DPF3: variants seen among roughly 807,000 people sequenced by gnomAD.
DPF3 encodes zinc finger protein DPF3.
In DPF3, 18 loss-of-function variants were observed where a neutral mutation model predicts 56.8. The observed-to-expected ratio is 0.32, with a 90% CI of 0.22 to 0.47. DPF3 has a LOEUF of 0.47. Ranked by LOEUF, DPF3 falls within the 20% of genes least tolerant of loss-of-function variation. The pLI is 1.00. For missense variants in DPF3, 403 were observed against 488.8 expected (o/e 0.82, Z 1.65); for synonymous variants, 188 against 180.2 (o/e 1.04, Z -0.35).
At chr14:72,849,189 C>T (rs892935546) in intron 1 of DPF3, among the ~76,000 whole-genome samples, 11 of 152,208 alleles carry the variant, frequency 7.2e-5, no homozygotes, top group Non-Finnish European at 1.6e-4. Context: ...CCAATATTCC[C>T]CACTATGGTT....
intron 3 of DPF3, among the ~76,000 whole-genome samples, chr14:72,735,187 G>A (rs1319607420): frequency 2.0e-5 from 3 of 152,026 alleles, no homozygotes; most frequent in African/African-American, 7.2e-5. Flanking sequence ...TACATTCTGA[G>A]ACTCACTCCA....
intron 4 of DPF3, among the ~76,000 whole-genome samples, chr14:72,725,658 T>C (rs969281185): frequency 2.6e-5 from 4 of 152,062 alleles, no homozygotes; most frequent in Non-Finnish European, 5.9e-5. Flanking sequence ...ATCACAAATA[T>C]GTTGAGAAGG....
In DPF3 at chr14:72,609,237, T is replaced by C. The variant is rs533682803; in HGVS notation, c.*10060A>G. 2.6e-5 allele frequency among the ~76,000 whole-genome samples: 4 copies of C among 152,242 alleles called. No homozygotes were observed. Among genetic ancestry groups the C allele is most frequent in the Non-Finnish European group, 5.9e-5 (4 of 68,006 alleles). ...GGTCCCAAAGAAGAAGGCTGCTCGA[T>C]CCCCACATTCTTCATCTCATCAGCG... On this transcript the variant is annotated 3_prime_UTR_variant, in exon 11 of 11. Coordinates refer to ENST00000556509, the MANE Select transcript of DPF3 (RefSeq NM_001280542.3).
intron 1 of DPF3, among the ~76,000 whole-genome samples, chr14:72,873,912 G>A (rs1346106758): frequency 2.0e-5 from 3 of 151,448 alleles, no homozygotes; most frequent in Non-Finnish European, 4.4e-5. Flanking sequence ...ATCACACACC[G>A]GGGCCTGTTG....
intron 2 of DPF3, among the ~76,000 whole-genome samples, chr14:72,761,888 T>C: frequency 6.6e-6 from 1 of 151,840 alleles, no homozygotes; most frequent in East Asian, 1.9e-4. Context: ...CCACAGATTC[T>C]ACATATATTA....
chr14:72,627,527 C>T (rs1389507455), intron 9 of DPF3, among the ~76,000 whole-genome samples: 4 of 152,042 alleles, frequency 2.6e-5, no homozygotes, highest in Admixed American at 6.5e-5. Context: ...CCTCATGCAT[C>T]AGTGCCACAC....
chr14:72,649,660 T>TG (rs372597512), intron 8 of DPF3, among the ~76,000 whole-genome samples: 6,459 of 61,012 alleles, frequency 0.11, 386 homozygotes, highest in African/African-American at 0.24. Flanking sequence ...CATCCCTGGG[T>TG]GGGGGGGGGG....
Position 72,782,738 on chromosome 14 carries a change from C to T in DPF3, c.33-10845G>A, listed in dbSNP as rs146489347. 3.8e-3 allele frequency among the ~76,000 whole-genome samples: 573 copies of T among 152,024 alleles called. 8 individuals carry two copies. Among genetic ancestry groups the T allele is most frequent in the African/African-American group, 0.013 (528 of 41,452 alleles). ...GTCCCAGCTACATGGGAGGCTGAGGCGGGAGAATCACTTGAACCTGGAAGA... is the reference window on the plus strand; with the variant it reads ...GTCCCAGCTACATGGGAGGCTGAGGTGGGAGAATCACTTGAACCTGGAAGA... On this transcript the variant is annotated intron_variant, in intron 1 of 10. Coordinates refer to ENST00000556509, the MANE Select transcript of DPF3 (RefSeq NM_001280542.3).
chr14:72,832,560 G>A (rs1884104930), intron 1 of DPF3, among the ~76,000 whole-genome samples: 1 of 151,912 alleles, frequency 6.6e-6, no homozygotes, highest in African/African-American at 2.4e-5. Context: ...ATCCTCTGTT[G>A]TTTTTGGTGC....
chr14:72,892,053 A>T, intron 1 of DPF3: 1 of 1,290,152 alleles, frequency 7.8e-7, no homozygotes, highest in Non-Finnish European at 1.0e-6. Flanking sequence ...CCCTGGAGCG[A>T]GTAGGGGAAC....
In DPF3 at chr14:72,680,981, C is replaced by T. The variant is rs759589248; in HGVS notation, c.743-6613G>A. 4.7e-4 allele frequency among the ~76,000 whole-genome samples: 71 copies of T among 152,234 alleles called. 1 individual carries two copies. Among genetic ancestry groups the T allele is most frequent in the Middle Eastern group, 6.3e-3 (2 of 316 alleles). On this transcript the variant is annotated intron_variant, in intron 7 of 10. Coordinates refer to ENST00000556509, the MANE Select transcript of DPF3 (RefSeq NM_001280542.3). ...CACCCAGAGGAACCCAGCCTTTCAT[C>T]ACTGTTCTATACTCATGTAAATGCC...
chr14:72,642,891 C>T (rs2153567925), intron 8 of DPF3, among the ~76,000 whole-genome samples: 1 of 152,324 alleles, frequency 6.6e-6, no homozygotes, highest in African/African-American at 2.4e-5. Context: ...TAAAGAAAGC[C>T]ATGTTTGGAT....
intron 1 of DPF3, chr14:72,806,103 A>T (rs1426414419): frequency 6.6e-6 from 1 of 152,104 alleles, no homozygotes; most frequent in Non-Finnish European, 1.5e-5. Flanking sequence ...CCTTTAAATC[A>T]TCAAAGGGCC....
At chr14:72,733,376 C>G (rs1447246322) in intron 3 of DPF3, among the ~76,000 whole-genome samples, 1 of 151,920 alleles carries the variant, frequency 6.6e-6, no homozygotes, top group East Asian at 1.9e-4. Flanking sequence ...AGGGATCTGA[C>G]AAGGTAGGTT....
intron 3 of DPF3, 127 bp downstream of exon 3, chr14:72,753,137 G>C: frequency 1.3e-6 from 1 of 742,100 alleles, no homozygotes; most frequent in South Asian, 1.9e-5. Flanking sequence ...AGCATGATGT[G>C]GGCATGTTCC....
rs10522943 is a variant in DPF3 at position 72,853,034 on chromosome 14, C to CGTGTGTGTGTGTGTGTGTGTGTGTGT, written c.32+41022_32+41023insACACACACACACACACACACACACAC. 8.3e-4 allele frequency among the ~76,000 whole-genome samples: 120 copies of CGTGTGTGTGTGTGTGTGTGTGTGTGT among 144,104 alleles called. 3 individuals carry two copies. Among genetic ancestry groups the CGTGTGTGTGTGTGTGTGTGTGTGTGT allele is most frequent in the East Asian group, 1.5e-3 (7 of 4,604 alleles). The allele number at this position is 144,104 out of a possible 152,430, so 94.5% of individuals were successfully genotyped here. A position where few individuals can be genotyped will look rare whatever the true frequency, so the allele number is the denominator to read the frequency against. On this transcript the variant is annotated intron_variant, in intron 1 of 10. Coordinates refer to ENST00000556509, the MANE Select transcript of DPF3 (RefSeq NM_001280542.3). Reference sequence around the variant, plus strand: ...CAACAACTATTCTGCCATAGCCTTGCGTGTGTGTGTGTGTATGTGTGTGTG... The same window carrying CGTGTGTGTGTGTGTGTGTGTGTGTGT: ...CAACAACTATTCTGCCATAGCCTTGCGTGTGTGTGTGTGTGTGTGTGTGTGTGTGTGTGTGTGTGTATGTGTGTGTG...
intron 3 of DPF3, among the ~76,000 whole-genome samples, chr14:72,745,177 A>G (rs1890276541): frequency 6.6e-6 from 1 of 152,190 alleles, no homozygotes; most frequent in East Asian, 1.9e-4. Context: ...CCATAAATTT[A>G]AAGAGATGCA....
chr14:72,622,141 T>C (rs1884489489), intron 9 of DPF3, among the ~76,000 whole-genome samples: 1 of 152,188 alleles, frequency 6.6e-6, no homozygotes, highest in Admixed American at 6.5e-5. Context: ...CACAATTTTG[T>C]ACATAGGTAG....
At chr14:72,879,686 A>T in intron 1 of DPF3, 1 of 1,292,654 alleles carries the variant, frequency 7.7e-7, no homozygotes, top group Non-Finnish European at 1.0e-6. Flanking sequence ...GAGGAGCCAC[A>T]AGCAGTTTGC....
Sources: allele counts gnomAD v4.1 joint callset (sites outside exome capture counted in the v4.1 genomes callset), GRCh38; gene constraint gnomAD v4.1.1; transcripts MANE v1.5; gene names NCBI Gene and HGNC (gene_info 2026-07-23, HGNC 2026-07-21).